Variants in RUVBL1 observed in about 807,000 individuals in gnomAD.
RUVBL1 encodes the protein ruvB-like 1.
A neutral mutation model predicts 52.4 loss-of-function variants in RUVBL1; 4 were observed. That is an observed-to-expected ratio of 0.08 (90% CI 0.04 to 0.17). The LOEUF is 0.17. RUVBL1 is among the 10% of genes least tolerant of loss of function. The probability of loss-of-function intolerance (pLI) is 1.00; values close to 1 mark genes in which losing one functional copy is unlikely to be tolerated. For missense variants in RUVBL1, 298 were observed against 572.8 expected, an observed-to-expected ratio of 0.52 and a Z score of 4.90; for synonymous variants, 217 against 214.4, an observed-to-expected ratio of 1.01 and a Z score of -0.10.
intron 8 of RUVBL1, among the ~76,000 whole-genome samples, chr3:128,093,216 A>T (rs1323669629): frequency 6.6e-6 from 1 of 152,250 alleles, no homozygotes; most frequent in Non-Finnish European, 1.5e-5. Context: ...CATCATGCTA[A>T]GTGAAAGAAG....
Position 128,123,718 on chromosome 3 carries a change from T to A in RUVBL1, c.7A>T (p.Ile3Phe). 6.2e-7 allele frequency: 1 copy of A among 1,600,494 alleles called. No individual in the cohort carries two copies. Among genetic ancestry groups the A allele is most frequent in the Non-Finnish European group, 8.5e-7 (1 of 1,170,866 alleles). MK[I>F]EEVKSTTKTQ... ...TTCGTAGTGCTCTTCACCTCCTCAATCTTCATTTTGCAGACGCCGGGAGCT... is the reference window on the plus strand; with the variant it reads ...TTCGTAGTGCTCTTCACCTCCTCAAACTTCATTTTGCAGACGCCGGGAGCT... Residue 3 changes from isoleucine to phenylalanine, a missense_variant, in exon 1 of 11, where the codon ATT becomes TTT. Transcript: ENST00000322623.
intron 8 of RUVBL1, among the ~76,000 whole-genome samples, chr3:128,092,704 T>C (rs1357335274): frequency 6.6e-6 from 1 of 152,178 alleles, no homozygotes; most frequent in African/African-American, 2.4e-5. Context: ...CAGACAAGTG[T>C]TGGCAAGAAT....
At chr3:128,107,329 T>C (rs1943267342) in intron 3 of RUVBL1, among the ~76,000 whole-genome samples, 1 of 152,252 alleles carries the variant, frequency 6.6e-6, no homozygotes, top group Non-Finnish European at 1.5e-5. Flanking sequence ...GAGATCCAGT[T>C]ATCTAAAGAA....
At chr3:128,106,846 T>C (rs1943253302) in intron 3 of RUVBL1, among the ~76,000 whole-genome samples, 1 of 152,206 alleles carries the variant, frequency 6.6e-6, no homozygotes, top group Non-Finnish European at 1.5e-5. Context: ...AACTGAACTG[T>C]ACTGTTAGAA....
chr3:128,147,014 A>AG (rs1944116609), intron 1 of RUVBL1, among the ~76,000 whole-genome samples: 1 of 152,226 alleles, frequency 6.6e-6, no homozygotes, highest in Non-Finnish European at 1.5e-5. Context: ...TAGTAAAAGA[A>AG]CAGCTTCAGT....
At chr3:128,129,810 T>A (rs2107727538) in intron 1 of RUVBL1, among the ~76,000 whole-genome samples, 1 of 152,232 alleles carries the variant, frequency 6.6e-6, no homozygotes. Context: ...GAGGAAGTAG[T>A]TAAATTCATA....
chr3:128,090,176 A>T (rs1269690396), intron 8 of RUVBL1, among the ~76,000 whole-genome samples: 1 of 152,248 alleles, frequency 6.6e-6, no homozygotes. Context: ...TTTTACCACA[A>T]TAAAAACAAT....
At chr3:128,119,597 T>C (rs1943598518) in intron 1 of RUVBL1, among the ~76,000 whole-genome samples, 183 bp from the exon 2 acceptor site, 1 of 152,218 alleles carries the variant, frequency 6.6e-6, no homozygotes, top group Non-Finnish European at 1.5e-5. Context: ...CTTGTACTTG[T>C]GGAGCTCATG....
At chr3:128,085,069 A>G (rs544302128) in intron 9 of RUVBL1, 2 of 152,350 alleles carry the variant, frequency 1.3e-5, no homozygotes, top group Admixed American at 1.3e-4. Flanking sequence ...TCGTTCTTGG[A>G]GCCTCCAACA....
intron 1 of RUVBL1, among the ~76,000 whole-genome samples, chr3:128,134,228 C>T (rs777005357): frequency 9.9e-5 from 15 of 151,754 alleles, no homozygotes; most frequent in African/African-American, 1.7e-4. Context: ...TTTGGGAGGC[C>T]GAGGTAGGCA....
At chr3:128,145,626 G>T (rs1305248243) in intron 1 of RUVBL1, among the ~76,000 whole-genome samples, 1 of 152,158 alleles carries the variant, frequency 6.6e-6, no homozygotes, top group Non-Finnish European at 1.5e-5. Context: ...CACAGGGAGA[G>T]AAACGGAGAG....
chr3:128,068,982 AT>A (rs1439374135), intron 9 of RUVBL1: 1 of 152,426 alleles, frequency 6.6e-6, no homozygotes, highest in Admixed American at 6.5e-5. Context: ...CCTAGCAGGG[AT>A]GGTAGGCAAT....
rs1401681998 is a variant in RUVBL1 at position 128,137,991 on chromosome 3, A to G, written c.-40+15212T>C. Among the ~76,000 whole-genome samples, 3 of 152,276 alleles carry G rather than the reference A, an allele frequency of 2.0e-5. No individual in the cohort carries two copies. In the East Asian group the frequency reaches 5.8e-4, roughly 29 times the overall value. ...GAAAAAGCATTTGATAAAATTCAATATCCTACTATAGTAAAAGCCCTCAAA... is the reference window on the plus strand; with the variant it reads ...GAAAAAGCATTTGATAAAATTCAATGTCCTACTATAGTAAAAGCCCTCAAA... On this transcript the variant is annotated intron_variant, in intron 1 of 9. Coordinates refer to the RUVBL1 transcript ENST00000464873.
intron 8 of RUVBL1, among the ~76,000 whole-genome samples, chr3:128,093,002 C>T (rs1942879931): frequency 6.6e-6 from 1 of 151,688 alleles, no homozygotes; most frequent in Non-Finnish European, 1.5e-5. Flanking sequence ...AGTGAGACCC[C>T]ATCTCTACTT....
intron 8 of RUVBL1, among the ~76,000 whole-genome samples, chr3:128,094,818 C>G (rs1231822641): frequency 6.6e-6 from 1 of 152,178 alleles, no homozygotes; most frequent in Non-Finnish European, 1.5e-5. Context: ...CCTGTAGTTC[C>G]CCTCTAGGGG....
chr3:128,064,843 G>A (rs371253338), exon 10 of RUVBL1: 632 of 1,538,778 alleles, frequency 4.1e-4, no homozygotes, highest in African/African-American at 9.3e-4. Flanking sequence ...TTGCCTGTTC[G>A]TTCCTTCATA....
At chr3:128,077,839 CCT>C (rs1483079527), downstream of RUVBL1, among the ~76,000 whole-genome samples, 3 of 152,226 alleles carry the variant, frequency 2.0e-5, no homozygotes, top group Non-Finnish European at 2.9e-5. Flanking sequence ...CAAACTGTGA[CCT>C]CTTTCCAAGT....
At chr3:128,147,449 T>A (rs999590998) in intron 1 of RUVBL1, among the ~76,000 whole-genome samples, 1 of 152,152 alleles carries the variant, frequency 6.6e-6, no homozygotes, top group Non-Finnish European at 1.5e-5. Context: ...ATTTTAAAAA[T>A]TGGCTAGGCT....
In RUVBL1 at chr3:128,067,880, G is replaced by A. The variant is rs1384143968; in HGVS notation, c.940-2660C>T. ...TTTTAAAGTTCTCTGTATGAATATT[G>A]TCAGTGCTCGAAGAGGCGATCTGTA... On this transcript the variant is annotated intron_variant, in intron 9 of 9. Transcript: ENST00000464873. This position sits in a 1 kb window ranked among gnomAD's most constrained non-coding sequence, Gnocchi z 4.1. 1.1e-6 allele frequency: 1 copy of A among 897,276 alleles called. No individual in the cohort carries two copies. Among genetic ancestry groups the A allele is most frequent in the Non-Finnish European group, 1.8e-6 (1 of 544,548 alleles). The allele number at this position is 897,276 out of a possible 1,614,324, so 55.6% of individuals were successfully genotyped here.
Sources: gnomAD v4.1 joint callset for allele counts (sites outside exome capture counted in the v4.1 genomes callset) on GRCh38, gnomAD v4.1.1 for gene constraint, Gnocchi (gnomAD v3.1) non-coding constraint, MANE v1.5 for transcripts, NCBI Gene and HGNC (gene_info 2026-07-23, HGNC 2026-07-21) for gene names.